Variants in CUX2 observed in about 807,000 individuals in gnomAD.
The protein encoded by CUX2 is cut like homeobox 2, also known as homeobox protein cut-like 2.
CUX2 carries 40 observed loss-of-function variants against 144.8 expected under a neutral mutation model. The observed-to-expected ratio is 0.28, with a 90% confidence interval of 0.21 to 0.36. The LOEUF is 0.36. CUX2 is among the 10% of genes least tolerant of loss of function. The pLI, the probability that CUX2 is intolerant of heterozygous loss-of-function variation, is 1.00. For missense variants in CUX2, 1,615 were observed against 1,994.0 expected (o/e 0.81, Z 3.62); for synonymous variants, 827 against 875.6 (o/e 0.94, Z 0.98).
chr12:111,199,590 C>T (rs909358601), intron 1 of CUX2, among the ~76,000 whole-genome samples: 2 of 152,272 alleles, frequency 1.3e-5, no homozygotes, highest in East Asian at 1.9e-4. Flanking sequence ...GAGAAGGTCA[C>T]GGATCCACAG....
At chr12:111,217,673 T>C (rs1881621211) in intron 2 of CUX2, among the ~76,000 whole-genome samples, 1 of 152,194 alleles carries the variant, frequency 6.6e-6, no homozygotes, top group Non-Finnish European at 1.5e-5. Flanking sequence ...CTCCAGAAAG[T>C]CCTGCAGGAA....
At chr12:111,038,263 A>G (rs1869556614) in intron 1 of CUX2, among the ~76,000 whole-genome samples, 1 of 152,262 alleles carries the variant, frequency 6.6e-6, no homozygotes, top group Admixed American at 6.5e-5. Flanking sequence ...AGCTTGACTT[A>G]TCTAAATGTG....
chr12:111,089,361 A>G (rs1872428093), intron 1 of CUX2, among the ~76,000 whole-genome samples: 1 of 152,240 alleles, frequency 6.6e-6, no homozygotes, highest in South Asian at 2.1e-4. Context: ...TGGGGATTAA[A>G]TAGAAAATAT....
chr12:111,193,158 G>A (rs1880004529), intron 1 of CUX2, among the ~76,000 whole-genome samples: 1 of 152,186 alleles, frequency 6.6e-6, no homozygotes, highest in African/African-American at 2.4e-5. Context: ...GGCGGAAAAT[G>A]GATTCAAGGG....
intron 1 of CUX2, among the ~76,000 whole-genome samples, chr12:111,128,877 G>C (rs191450922): frequency 6.6e-6 from 1 of 152,320 alleles, no homozygotes; most frequent in East Asian, 1.9e-4. Context: ...CAATAGAGCA[G>C]CTTTCACAGC....
chr12:111,106,447 G>A (rs564268827), intron 1 of CUX2, among the ~76,000 whole-genome samples: 1 of 150,896 alleles, frequency 6.6e-6, no homozygotes, highest in Admixed American at 6.6e-5. Flanking sequence ...ATGAGCCACT[G>A]CCCCCAGTCC....
chr12:111,196,477 T>G (rs4766553), intron 1 of CUX2, among the ~76,000 whole-genome samples: 27,757 of 152,170 alleles, frequency 0.18, 2,974 homozygotes, highest in East Asian at 0.49. Context: ...GTATCTGGGC[T>G]TAGTATTGTC....
intron 1 of CUX2, among the ~76,000 whole-genome samples, chr12:111,124,140 G>A (rs1449164072): frequency 6.6e-6 from 1 of 152,210 alleles, no homozygotes; most frequent in Admixed American, 6.5e-5. Context: ...CCTGAGCAGT[G>A]TAGGGGCCAA....
At chr12:111,163,135 C>T (rs937351863) in intron 1 of CUX2, among the ~76,000 whole-genome samples, 3 of 152,020 alleles carry the variant, frequency 2.0e-5, no homozygotes, top group Non-Finnish European at 2.9e-5. Flanking sequence ...TTGAGCTTGA[C>T]CACTCCTAAC....
intron 1 of CUX2, among the ~76,000 whole-genome samples, chr12:111,127,949 T>G (rs1329473694): frequency 6.6e-6 from 1 of 152,194 alleles, no homozygotes; most frequent in Non-Finnish European, 1.5e-5. Context: ...TTCAGTTATC[T>G]CCACCTGGCC....
At chr12:111,144,543 T>C (rs1232524946) in intron 1 of CUX2, among the ~76,000 whole-genome samples, 1 of 152,222 alleles carries the variant, frequency 6.6e-6, no homozygotes, top group Admixed American at 6.5e-5. Flanking sequence ...GGCTTCTCCT[T>C]GGGCTTCACT....
chr12:111,254,732 A>G (rs1229118615), intron 3 of CUX2, among the ~76,000 whole-genome samples: 1 of 152,374 alleles, frequency 6.6e-6, no homozygotes, highest in African/African-American at 2.4e-5. Flanking sequence ...TAAGGATTCA[A>G]AATGAATTAG....
At chr12:111,335,177 G>C (rs911697313) in intron 19 of CUX2, among the ~76,000 whole-genome samples, 2 of 152,138 alleles carry the variant, frequency 1.3e-5, no homozygotes, top group Non-Finnish European at 2.9e-5. Context: ...GATCATCTGA[G>C]GTCAGCAGTT....
At position 111,307,257 on chromosome 12, in the gene CUX2, G is replaced by C. The variant is rs1336984443; in HGVS notation, c.1109G>C (p.Ser370Thr). ...SDYEEIKTEL[S>T]ILKAMKLASS... ...TATGAGGAAATTAAAACGGAGCTGA[G>C]GTACCATGTGGGGTGGGGCTCCACA... Residue 370 changes from serine to threonine, a missense_variant and splice_region_variant, in exon 12 of 22, where the codon AGC becomes ACC. Coordinates refer to ENST00000261726, the MANE Select transcript of CUX2 (RefSeq NM_015267.4). The surrounding 1 kb of genome is among the most constrained non-coding windows in gnomAD (Gnocchi z 4.1). 1 of 1,613,828 alleles carries C rather than the reference G, an allele frequency of 6.2e-7. No homozygotes were observed. Among genetic ancestry groups the C allele is most frequent in the African/African-American group, 1.3e-5 (1 of 74,918 alleles).
chr12:111,301,504 A>T (rs1886291872), intron 9 of CUX2, among the ~76,000 whole-genome samples: 1 of 151,724 alleles, frequency 6.6e-6, no homozygotes, highest in Non-Finnish European at 1.5e-5. Context: ...AGGGGGAGGT[A>T]AGACTAGTAG....
chr12:111,222,795 G>T (rs7971185), intron 3 of CUX2, among the ~76,000 whole-genome samples: 34,224 of 152,028 alleles, frequency 0.23, 5,367 homozygotes, highest in East Asian at 0.58. Flanking sequence ...GACTGAGAAC[G>T]TTCTCCCTCT....
chr12:111,053,508 CAT>C (rs1347782772), intron 1 of CUX2, among the ~76,000 whole-genome samples: 4 of 152,250 alleles, frequency 2.6e-5, no homozygotes, highest in Non-Finnish European at 5.9e-5. Context: ...CACGTACTTC[CAT>C]AGTCTCCATC....
chr12:111,314,027 C>T (rs1887046045), intron 16 of CUX2, among the ~76,000 whole-genome samples: 1 of 151,902 alleles, frequency 6.6e-6, no homozygotes, highest in African/African-American at 2.4e-5. Context: ...AATCAATGGC[C>T]CTCCCTCCTG....
chr12:111,069,540 G>A (rs111639570), intron 1 of CUX2, among the ~76,000 whole-genome samples: 18 of 141,710 alleles, frequency 1.3e-4, no homozygotes, highest in African/African-American at 5.1e-4. Context: ...GTGTGTGTGT[G>A]TGTGTGTGTG....
Sources: allele counts gnomAD v4.1 joint callset (sites outside exome capture counted in the v4.1 genomes callset), GRCh38; gene constraint gnomAD v4.1.1; non-coding constraint Gnocchi (gnomAD v3.1); transcripts MANE v1.5; gene names NCBI Gene and HGNC (gene_info 2026-07-23, HGNC 2026-07-21).